FBXL7: variants seen among roughly 807,000 people sequenced by gnomAD.
FBXL7 encodes F-box/LRR-repeat protein 7.
In FBXL7, 12 loss-of-function variants were observed where a neutral mutation model predicts 38.3. The ratio of observed to expected loss-of-function variants is 0.31; its 90% CI spans 0.20 to 0.51. The LOEUF is 0.51. Ranked by LOEUF, FBXL7 falls within the 20% of genes least tolerant of loss-of-function variation. The pLI is 0.98. For missense variants in FBXL7, 567 were observed against 676.4 expected (o/e 0.84, Z 1.79); for synonymous variants, 297 against 300.9 (o/e 0.99, Z 0.13).
intron 2 of FBXL7, among the ~76,000 whole-genome samples, chr5:15,637,390 AG>A (rs1431193988): frequency 1.3e-5 from 2 of 152,256 alleles, no homozygotes; most frequent in African/African-American, 2.4e-5. Context: ...AGAATGAAAA[AG>A]CAGAAAACCA....
chr5:15,533,941 CT>C (rs777320844), intron 1 of FBXL7, among the ~76,000 whole-genome samples: 204 of 152,146 alleles, frequency 1.3e-3, no homozygotes, highest in Middle Eastern at 0.01. Flanking sequence ...GGAACAGCAC[CT>C]TTTTTTCCCC....
chr5:15,838,448 G>GCAC lies in FBXL7; in HGVS notation c.128-89440_128-89438dup, dbSNP rs146969048. Among the ~76,000 whole-genome samples, 360 of 152,084 alleles carry GCAC rather than the reference G, an allele frequency of 2.4e-3. 2 individuals carry two copies. The highest frequency in any genetic ancestry group is 8.3e-3 in the African/African-American group (346 of 41,488). The stretch of plus-strand genomic sequence containing the variant: ...CCCTCATGACCTAATCACCTCCCAG[G>GCAC]CACCCCACCTCCTAATGCCATAACA... On this transcript the variant is annotated intron_variant, in intron 2 of 3. Coordinates refer to ENST00000504595, the MANE Select transcript of FBXL7 (RefSeq NM_012304.5).
At chr5:15,543,220 T>A (rs1737804718) in intron 1 of FBXL7, among the ~76,000 whole-genome samples, 1 of 152,128 alleles carries the variant, frequency 6.6e-6, no homozygotes, top group Admixed American at 6.5e-5. Context: ...TGGGGAAGCC[T>A]CACAATCATG....
intron 2 of FBXL7, among the ~76,000 whole-genome samples, chr5:15,770,063 A>G (rs940395722): frequency 6.6e-6 from 1 of 152,216 alleles, no homozygotes; most frequent in Non-Finnish European, 1.5e-5. Flanking sequence ...AATGATCCAT[A>G]TGGAATCACA....
chr5:15,807,239 G>T (rs1477139229), intron 2 of FBXL7, among the ~76,000 whole-genome samples: 1 of 152,154 alleles, frequency 6.6e-6, no homozygotes, highest in Non-Finnish European at 1.5e-5. Flanking sequence ...ACCATGACTG[G>T]CCTGATTGCG....
intron 2 of FBXL7, among the ~76,000 whole-genome samples, chr5:15,878,394 A>G (rs1035312244): frequency 6.6e-6 from 1 of 152,132 alleles, no homozygotes; most frequent in Non-Finnish European, 1.5e-5. Context: ...ATACCCACTG[A>G]TGGCTTCTTT....
chr5:15,733,035 C>G (rs1735632966), intron 2 of FBXL7, among the ~76,000 whole-genome samples: 1 of 152,106 alleles, frequency 6.6e-6, no homozygotes, highest in Non-Finnish European at 1.5e-5. Flanking sequence ...ATCGTGAGTA[C>G]TAAAATAGTA....
intron 1 of FBXL7, among the ~76,000 whole-genome samples, chr5:15,583,494 C>T (rs891759299): frequency 6.6e-6 from 1 of 152,176 alleles, no homozygotes; most frequent in Non-Finnish European, 1.5e-5. Flanking sequence ...AATGGGGGTG[C>T]AGGCATTGGG....
At chr5:15,705,974 G>A (rs943892946) in intron 2 of FBXL7, among the ~76,000 whole-genome samples, 1 of 152,106 alleles carries the variant, frequency 6.6e-6, no homozygotes, top group Non-Finnish European at 1.5e-5. Flanking sequence ...TAACAATTAA[G>A]CTCTGTGAAG....
intron 1 of FBXL7, among the ~76,000 whole-genome samples, chr5:15,546,568 A>G (rs1737900747): frequency 6.6e-6 from 1 of 151,452 alleles, no homozygotes; most frequent in African/African-American, 2.4e-5. Flanking sequence ...CTCTGTCTCC[A>G]AAAAAAACAA....
At chr5:15,699,841 AATTG>A (rs2126631674) in intron 2 of FBXL7, among the ~76,000 whole-genome samples, 1 of 152,324 alleles carries the variant, frequency 6.6e-6, no homozygotes, top group East Asian at 1.9e-4. Context: ...TCACAGCCCT[AATTG>A]ATGTTCTGCT....
intron 2 of FBXL7, among the ~76,000 whole-genome samples, chr5:15,914,086 T>C (rs1007938417): frequency 2.0e-5 from 3 of 152,214 alleles, no homozygotes; most frequent in African/African-American, 7.2e-5. Flanking sequence ...TCGTTGTTAT[T>C]AGAAATGAGC....
At chr5:15,925,211 C>A (rs1322970633) in intron 2 of FBXL7, among the ~76,000 whole-genome samples, 1 of 152,134 alleles carries the variant, frequency 6.6e-6, no homozygotes, top group African/African-American at 2.4e-5. Context: ...ATACAATCAA[C>A]CACATTGGAA....
At chr5:15,503,897 C>T (rs956264513) in intron 1 of FBXL7, among the ~76,000 whole-genome samples, 6 of 152,170 alleles carry the variant, frequency 3.9e-5, no homozygotes, top group African/African-American at 7.2e-5. Context: ...ACTTTTAACA[C>T]GTCAATATTC....
At chr5:15,661,691 C>A (rs1473308220) in intron 2 of FBXL7, among the ~76,000 whole-genome samples, 1 of 152,178 alleles carries the variant, frequency 6.6e-6, no homozygotes. Context: ...GCTCCTCTCC[C>A]TCCTCCCAAC....
chr5:15,861,860 T>C (rs1306075705), intron 2 of FBXL7, among the ~76,000 whole-genome samples: 1 of 152,158 alleles, frequency 6.6e-6, no homozygotes, highest in African/African-American at 2.4e-5. Context: ...CCAACTCCAT[T>C]TGTCTAAGGA....
chr5:15,628,678 A>G (rs1398035077), intron 2 of FBXL7, among the ~76,000 whole-genome samples: 1 of 152,202 alleles, frequency 6.6e-6, no homozygotes, highest in African/African-American at 2.4e-5. Flanking sequence ...TTCTTCCATC[A>G]TATATAGCAG....
chr5:15,862,117 T>C (rs1382059681), intron 2 of FBXL7, among the ~76,000 whole-genome samples: 1 of 152,174 alleles, frequency 6.6e-6, no homozygotes, highest in South Asian at 2.1e-4. Flanking sequence ...CCAAATCTCA[T>C]CTTGAATTGT....
intron 2 of FBXL7, among the ~76,000 whole-genome samples, chr5:15,674,780 A>G (rs932931746): frequency 2.0e-5 from 3 of 152,252 alleles, no homozygotes; most frequent in Non-Finnish European, 2.9e-5. Context: ...ATATTTTGCC[A>G]TCTGTGGATT....
Sources: allele counts gnomAD v4.1 joint callset (sites outside exome capture counted in the v4.1 genomes callset), GRCh38; gene constraint gnomAD v4.1.1; transcripts MANE v1.5; gene names NCBI Gene and HGNC (gene_info 2026-07-23, HGNC 2026-07-21).